The following DNAH3 variants were observed in gnomAD, a reference collection of about 807,000 sequenced individuals.
The protein encoded by DNAH3 is dynein axonemal heavy chain 3.
Under a neutral mutation model 432.5 loss-of-function variants are expected in DNAH3, and 332 were observed. That is an observed-to-expected ratio of 0.77 (90% CI 0.70 to 0.84). The LOEUF (loss-of-function observed/expected upper bound fraction) is 0.84, where lower values mean the gene tolerates loss of function less well. Ranked by LOEUF, DNAH3 falls within the 40% of genes least tolerant of loss-of-function variation. The pLI, the probability that DNAH3 is intolerant of heterozygous loss-of-function variation, is 0.00. For missense variants in DNAH3, 4,861 were observed against 5,114.0 expected (o/e 0.95, Z 1.51); for synonymous variants, 1,956 against 1,900.2 (o/e 1.03, Z -0.76).
chr16:20,951,728 C>A (rs1326920997), intron 56 of DNAH3, among the ~76,000 whole-genome samples: 2 of 149,132 alleles, frequency 1.3e-5, no homozygotes, highest in Non-Finnish European at 3.0e-5. Flanking sequence ...ATCCACTGCG[C>A]CTGGCCCGTA....
At chr16:21,126,158 ACT>A (rs2092441843) in intron 8 of DNAH3, among the ~76,000 whole-genome samples, 1 of 150,172 alleles carries the variant, frequency 6.7e-6, no homozygotes, top group Non-Finnish European at 1.5e-5. Context: ...AGTGAGTGAA[ACT>A]CTGTCTCAAA....
chr16:20,983,354 G>C (rs1449910870), intron 48 of DNAH3, among the ~76,000 whole-genome samples: 1 of 152,050 alleles, frequency 6.6e-6, no homozygotes, highest in Non-Finnish European at 1.5e-5. Flanking sequence ...TCAAACTCCT[G>C]ACCTCAAGTG....
chr16:21,058,094 T>C, exon 27 of DNAH3: 1 of 1,591,220 alleles, frequency 6.3e-7, no homozygotes, highest in Admixed American at 1.7e-5. Context: ...ACCAGTAAGG[T>C]ATTTTCCGCC....
At chr16:21,153,002 C>T (rs909429698) in intron 1 of DNAH3, among the ~76,000 whole-genome samples, 1 of 152,174 alleles carries the variant, frequency 6.6e-6, no homozygotes, top group Non-Finnish European at 1.5e-5. Flanking sequence ...GCGGGACTGG[C>T]AGGCAGCTCC....
chr16:21,067,961 A>G (rs1395567809), intron 23 of DNAH3, among the ~76,000 whole-genome samples: 1 of 152,022 alleles, frequency 6.6e-6, no homozygotes, highest in Non-Finnish European at 1.5e-5. Context: ...TTCTCGTTTC[A>G]GCTATCCTGA....
chr16:20,986,019 C>T (rs1476744752), intron 47 of DNAH3, among the ~76,000 whole-genome samples: 1 of 151,808 alleles, frequency 6.6e-6, no homozygotes, highest in African/African-American at 2.4e-5. Context: ...TCATGCCTGG[C>T]TAATTTTTGT....
chr16:20,960,373 C>T (rs1481854697), intron 53 of DNAH3, among the ~76,000 whole-genome samples: 6 of 152,056 alleles, frequency 3.9e-5, no homozygotes, highest in South Asian at 2.1e-4. Flanking sequence ...CTCAAAGTGC[C>T]GTACCTTCAT....
intron 53 of DNAH3, among the ~76,000 whole-genome samples, chr16:20,960,799 A>G (rs1275712262): frequency 6.6e-6 from 1 of 152,240 alleles, no homozygotes; most frequent in Admixed American, 6.5e-5. Context: ...TGGAGCCTGG[A>G]TGGAAAAAAT....
At chr16:21,032,324 A>T (rs952414267) in intron 36 of DNAH3, among the ~76,000 whole-genome samples, 1 of 152,206 alleles carries the variant, frequency 6.6e-6, no homozygotes, top group African/African-American at 2.4e-5. Flanking sequence ...TTTGGCCCCG[A>T]AATCGTTCTT....
exon 48 of DNAH3, chr16:20,985,697 G>C: frequency 1.2e-6 from 2 of 1,613,546 alleles, no homozygotes; most frequent in Non-Finnish European, 1.7e-6. Context: ...TTTCCAGTGG[G>C]TGACAAGTGG....
At chr16:20,961,515 A>AAAAT (rs2084818021) in intron 53 of DNAH3, among the ~76,000 whole-genome samples, 1 of 148,652 alleles carries the variant, frequency 6.7e-6, no homozygotes, top group African/African-American at 2.6e-5. Context: ...AAATGAATAA[A>AAAAT]AAAATAAAAT....
intron 41 of DNAH3, among the ~76,000 whole-genome samples, chr16:21,009,357 T>G (rs2087468940): frequency 6.6e-6 from 1 of 152,068 alleles, no homozygotes; most frequent in Non-Finnish European, 1.5e-5. Flanking sequence ...AGAGATGAAA[T>G]CAGGTAGACA....
rs2085797222 is a variant in DNAH3, at chr16:20,980,173, ATATAT to A, written c.7860-632_7860-628del. On this transcript the variant is annotated intron_variant, in intron 49 of 61. Coordinates refer to ENST00000261383, the Ensembl canonical transcript of DNAH3. ...TCCCTGACTTTGTAGAAAAAAAAAT[ATATAT>A]ATATATATATAATTTTATTATATAT... is the stretch of plus-strand genomic sequence containing the variant. Among the ~76,000 whole-genome samples the A allele has an allele frequency of 7.2e-5, 7 of 96,952 alleles. No homozygotes were observed. In the South Asian group the frequency reaches 2.4e-3, roughly 33 times the overall value. The allele number at this position is 96,952 out of a possible 152,430, so 63.6% of individuals were successfully genotyped here. A position where few individuals can be genotyped will look rare whatever the true frequency, so the allele number is the denominator to read the frequency against.
At chr16:21,105,984 A>G (rs549648355) in intron 15 of DNAH3, among the ~76,000 whole-genome samples, 1 of 151,332 alleles carries the variant, frequency 6.6e-6, no homozygotes, top group South Asian at 2.1e-4. Context: ...GATAGAGACC[A>G]TCCTGGCCAA....
At chr16:21,042,055 C>G in exon 32 of DNAH3, 8 of 1,613,846 alleles carry the variant, frequency 5.0e-6, no homozygotes, top group Non-Finnish European at 6.8e-6. Flanking sequence ...TTCAGCCCTG[C>G]CAGCATACCC....
At chr16:21,046,462 T>C (rs2089701588) in intron 31 of DNAH3, among the ~76,000 whole-genome samples, 1 of 151,372 alleles carries the variant, frequency 6.6e-6, no homozygotes, top group South Asian at 2.1e-4. Flanking sequence ...TCTTTGTTGG[T>C]TTAAAGTCTG....
At chr16:21,104,503 C>G in exon 16 of DNAH3, 1 of 1,614,020 alleles carries the variant, frequency 6.2e-7, no homozygotes, top group Non-Finnish European at 8.5e-7. Flanking sequence ...CCTGATCCCT[C>G]TTGTGAAGGA....
chr16:21,093,764 C>A (rs1374312525), intron 18 of DNAH3, among the ~76,000 whole-genome samples: 2 of 152,126 alleles, frequency 1.3e-5, no homozygotes, highest in Non-Finnish European at 2.9e-5. Flanking sequence ...GTCAAGACAT[C>A]AACCCACGAA....
rs9302391 is a variant in DNAH3, at chr16:21,139,320, C to CT, written c.696+1215dup. 2.5e-3 allele frequency among the ~76,000 whole-genome samples: 74 copies of CT among 29,622 alleles called. 15 individuals carry two copies. Among genetic ancestry groups the CT allele is most frequent in the African/African-American group, 6.9e-3 (42 of 6,106 alleles). The allele number at this position is 29,622 out of a possible 152,430, so 19.4% of individuals were successfully genotyped here. A position where few individuals can be genotyped will look rare whatever the true frequency, so the allele number is the denominator to read the frequency against. On this transcript the variant is annotated intron_variant, in intron 5 of 61. Coordinates refer to ENST00000261383, the Ensembl canonical transcript of DNAH3. ...AATGTAGCTTGAGACTTTCCTCATG[C>CT]TTTTTTTTTTTTTTTTTTTTTTTTT...
Sources: gnomAD v4.1 joint callset for allele counts (sites outside exome capture counted in the v4.1 genomes callset) on GRCh38, gnomAD v4.1.1 for gene constraint, MANE v1.5 for transcripts, NCBI Gene and HGNC (gene_info 2026-07-23, HGNC 2026-07-21) for gene names.